Variants in NAP1L4 observed in about 807,000 individuals in gnomAD.
NAP1L4 encodes nucleosome assembly protein 1-like 4.
A neutral mutation model predicts 58.2 loss-of-function variants in NAP1L4; 15 were observed. The observed-to-expected ratio is 0.26, with a 90% CI of 0.17 to 0.40. The LOEUF (loss-of-function observed/expected upper bound fraction) is 0.40, where lower values mean the gene tolerates loss of function less well. NAP1L4 is among the 10% of genes least tolerant of loss of function. The pLI is 1.00. For synonymous variants in NAP1L4, 171 were observed against 155.6 expected (o/e 1.10, Z -0.74); for missense variants, 384 against 451.1 (o/e 0.85, Z 1.35).
rs190305193 is a variant in NAP1L4 at position 2,968,394 on chromosome 11, G to A, written c.534+1409C>T. Among the ~76,000 whole-genome samples, 855 of 152,226 alleles carry A rather than the reference G, an allele frequency of 5.6e-3. 6 individuals are homozygous for A. The highest frequency in any genetic ancestry group is 8.1e-3 in the Non-Finnish European group (551 of 68,010). On this transcript the variant is annotated intron_variant, in intron 7 of 15. Transcript: ENST00000380542. ...TTTTCCAATGAAATTCTGGTGCATG[G>A]CATTCTTTTAAAAGTATGGTCTAGT...
At chr11:2,947,701 A>G (rs1176646986) in intron 15 of NAP1L4, among the ~76,000 whole-genome samples, 1 of 152,242 alleles carries the variant, frequency 6.6e-6, no homozygotes, top group Non-Finnish European at 1.5e-5. Context: ...TTGAGTCATT[A>G]ATCAATGCTA....
intron 4 of NAP1L4, among the ~76,000 whole-genome samples, chr11:2,975,460 C>T (rs1377248692): frequency 6.6e-6 from 1 of 151,996 alleles, no homozygotes; most frequent in Admixed American, 6.5e-5. Context: ...CAGCCAGGCA[C>T]GGTAGCTCAC....
rs1288283537 is a variant in NAP1L4 at position 2,984,117 on chromosome 11, T to C, written c.-17-4880A>G. ...GAGGCCTGGCGGCTGCAGTGAGCTA[T>C]CACTGCGCCACTGAACTCCAGCCTG... On this transcript the variant is annotated intron_variant, in intron 1 of 15. Transcript: ENST00000380542. 8.0e-5 allele frequency among the ~76,000 whole-genome samples: 11 copies of C among 136,868 alleles called. No homozygotes were observed. The East Asian group carries it at 2.2e-3, about 27-fold the overall frequency. 89.8% of individuals were successfully genotyped at this position (136,868 alleles called of 152,430 possible).
Position 2,946,819 on chromosome 11 carries a change from C to G in NAP1L4, c.*33-1173G>C. 6.6e-6 allele frequency among the ~76,000 whole-genome samples: 1 copy of G among 152,242 alleles called. No individual in the cohort carries two copies. ...GACCAAAAACCCTCGCCATGTCAAT[C>G]TGACATTCAAGGGTAGACTGAAGGT... is the stretch of plus-strand genomic sequence containing the variant. On this transcript the variant is annotated intron_variant, in intron 15 of 15. Transcript: ENST00000380542. This position sits in a 1 kb window ranked among gnomAD's most constrained non-coding sequence, Gnocchi z 4.8.
At chr11:2,964,289 TAAAC>T (rs993732487) in intron 8 of NAP1L4, among the ~76,000 whole-genome samples, 6 of 151,776 alleles carry the variant, frequency 4.0e-5, no homozygotes, top group South Asian at 2.1e-4. Flanking sequence ...CCCAACAGAG[TAAAC>T]AAACAAACTA....
rs1351929896 is a variant in NAP1L4 at position 2,948,142 on chromosome 11, C to A, written c.*32+1085G>T. On this transcript the variant is annotated intron_variant, in intron 15 of 15. Coordinates refer to ENST00000380542, the MANE Select transcript of NAP1L4 (RefSeq NM_005969.4). The surrounding 1 kb of genome is among the most constrained non-coding windows in gnomAD (Gnocchi z 5.1). ...ATGCGGGGACAACAGGAATTAATGG[C>A]AGCTAGACATAATTTTAAACATACA... Among the ~76,000 whole-genome samples, 2 of 152,162 alleles carry A rather than the reference C, an allele frequency of 1.3e-5. No homozygotes were observed. Among genetic ancestry groups the A allele is most frequent in the Admixed American group, 6.5e-5 (1 of 15,274 alleles).
At position 2,949,744 on chromosome 11, in the gene NAP1L4, T is replaced by C. The variant is rs1846126552; in HGVS notation, c.1123-480A>G. On this transcript the variant is annotated intron_variant, in intron 14 of 15. Transcript: ENST00000380542. This position sits in a 1 kb window ranked among gnomAD's most constrained non-coding sequence, Gnocchi z 4.0. ...CTGTAATGGCTGGTGAGAATGCTCT[T>C]TTAGAAACCTGGGACGTGAAAGGAG... Among the ~76,000 whole-genome samples, 1 of 152,214 alleles carries C rather than the reference T, an allele frequency of 6.6e-6. No individual in the cohort carries two copies. Among genetic ancestry groups the C allele is most frequent in the South Asian group, 2.1e-4 (1 of 4,826 alleles).
chr11:2,957,488 C>T (rs1040582433), intron 10 of NAP1L4, among the ~76,000 whole-genome samples: 1 of 152,210 alleles, frequency 6.6e-6, no homozygotes, highest in Non-Finnish European at 1.5e-5. Flanking sequence ...CGCCCTGTGG[C>T]CCCACATACA....
intron 3 of NAP1L4, among the ~76,000 whole-genome samples, chr11:2,977,066 C>G (rs957817366): frequency 2.6e-5 from 4 of 152,194 alleles, no homozygotes; most frequent in Admixed American, 2.0e-4. Flanking sequence ...GAACTGCAAA[C>G]ACAACCACTA....
intron 4 of NAP1L4, among the ~76,000 whole-genome samples, chr11:2,974,239 T>C (rs971744985): frequency 6.6e-6 from 1 of 152,172 alleles, no homozygotes; most frequent in Non-Finnish European, 1.5e-5. Context: ...CATTAACTCG[T>C]CATTTAGACA....
At chr11:2,945,671 G>A (rs1032962675) in intron 15 of NAP1L4, 25 bp from the exon 16 acceptor site, 11 of 1,533,542 alleles carry the variant, frequency 7.2e-6, no homozygotes, top group Non-Finnish European at 9.6e-6. Context: ...GACAAGGCTT[G>A]TAGAGAGCAA....
At chr11:2,983,990 A>G (rs1407301217) in intron 1 of NAP1L4, among the ~76,000 whole-genome samples, 1 of 109,778 alleles carries the variant, frequency 9.1e-6, no homozygotes, top group Non-Finnish European at 2.1e-5. Flanking sequence ...TCTCAAAACA[A>G]AAAGAAAAAA....
At position 2,964,568 on chromosome 11, in the gene NAP1L4, G is replaced by A. The variant is rs528599489; in HGVS notation, c.606+112C>T. The A allele has an allele frequency of 6.2e-6, 5 of 811,722 alleles. No homozygotes were observed. In the South Asian group the frequency reaches 6.4e-5, roughly 10 times the overall value. 50.3% of individuals were successfully genotyped at this position (811,722 alleles called of 1,614,324 possible). ...CAGTCTCGCCCAGGGCTGCCCAGCA[G>A]ATGAGTGGCTGGGTGTGGGTTTTGT... On this transcript the variant is annotated intron_variant, in intron 8 of 15. Transcript: ENST00000380542.
intron 1 of NAP1L4, chr11:2,991,696 T>C (rs964724982): frequency 6.6e-6 from 1 of 152,666 alleles, no homozygotes; most frequent in African/African-American, 2.4e-5. Context: ...AAACCCCAGT[T>C]AGCCCAGCCT....
chr11:2,958,327 T>A (rs1170073874), intron 10 of NAP1L4, 72 bp downstream of exon 10: 3 of 1,483,070 alleles, frequency 2.0e-6, no homozygotes, highest in Non-Finnish European at 2.8e-6. Flanking sequence ...TCTCTGGGTG[T>A]TAGGAATCTA....
In NAP1L4 at chr11:2,983,004, A is replaced by G. The variant is rs184024126; in HGVS notation, c.-17-3767T>C. On this transcript the variant is annotated intron_variant, in intron 1 of 15. Coordinates refer to ENST00000380542, the MANE Select transcript of NAP1L4 (RefSeq NM_005969.4). ...CACTGCACTCCAGCCTGGGCAACAC[A>G]GCAAGACTCCATCTCAAAAAAAAAC... Among the ~76,000 whole-genome samples the G allele has an allele frequency of 6.8e-4, 104 of 152,262 alleles. 2 individuals carry two copies. Among genetic ancestry groups the G allele is most frequent in the Non-Finnish European group, 2.4e-4 (16 of 68,024 alleles).
rs181447415 is a variant in NAP1L4 at position 2,977,829 on chromosome 11, T to C, written c.73+455A>G. Among the ~76,000 whole-genome samples, 482 of 150,964 alleles carry C rather than the reference T, an allele frequency of 3.2e-3. 2 individuals are homozygous for C. The highest frequency in any genetic ancestry group is 5.6e-3 in the Non-Finnish European group (379 of 67,894). The stretch of plus-strand genomic sequence containing the variant: ...ATGAACAAAATGACATTCTTAGGAT[T>C]TGCTTTCCAAAGGAAGGAAAGTAAA... On this transcript the variant is annotated intron_variant, in intron 3 of 15. Transcript: ENST00000380542.
chr11:2,972,319 T>C (rs765271344), intron 4 of NAP1L4, 76 bp from the exon 5 acceptor site: 204 of 1,356,096 alleles, frequency 1.5e-4, no homozygotes, highest in Middle Eastern at 9.3e-4. Flanking sequence ...TTTATTAAAA[T>C]AAATTTAGGT....
intron 1 of NAP1L4, among the ~76,000 whole-genome samples, chr11:2,979,459 A>G (rs1358196653): frequency 1.3e-5 from 2 of 152,190 alleles, no homozygotes; most frequent in African/African-American, 4.8e-5. Flanking sequence ...GCATTTCATC[A>G]CACACAAACT....
Sources: allele counts gnomAD v4.1 joint callset (sites outside exome capture counted in the v4.1 genomes callset), GRCh38; gene constraint gnomAD v4.1.1; non-coding constraint Gnocchi (gnomAD v3.1); transcripts MANE v1.5; gene names NCBI Gene and HGNC (gene_info 2026-07-23, HGNC 2026-07-21).